Variants in CSMD2 observed in about 807,000 individuals in gnomAD.
The protein encoded by CSMD2 is CUB and Sushi multiple domains 2.
Under a neutral mutation model 398.5 loss-of-function variants are expected in CSMD2, and 130 were observed. The observed-to-expected ratio is 0.33, with a 90% CI of 0.28 to 0.38. CSMD2 has a LOEUF of 0.38. Among genes scored for constraint, CSMD2 ranks in the 10% least tolerant of loss-of-function variants. CSMD2 has a pLI of 1.00. For missense variants in CSMD2, 3,829 were observed against 4,764.9 expected (o/e 0.80, Z 5.78); for synonymous variants, 1,828 against 1,908.5 (o/e 0.96, Z 1.10).
intron 5 of CSMD2, among the ~76,000 whole-genome samples, chr1:33,914,131 A>T (rs1643602540): frequency 6.6e-6 from 1 of 152,136 alleles, no homozygotes; most frequent in Non-Finnish European, 1.5e-5. Context: ...AACGTGATGG[A>T]AAGGAATGGA....
chr1:33,639,495 G>A (rs964100577), intron 29 of CSMD2, among the ~76,000 whole-genome samples: 2 of 152,080 alleles, frequency 1.3e-5, no homozygotes, highest in Admixed American at 6.5e-5. Flanking sequence ...CATGTATCAC[G>A]CTATTTTGGT....
chr1:33,673,041 A>G (rs1273726713), intron 25 of CSMD2, among the ~76,000 whole-genome samples: 2 of 152,260 alleles, frequency 1.3e-5, no homozygotes, highest in African/African-American at 4.8e-5. Context: ...CAGAAGCTCT[A>G]AAAATCAGAG....
At chr1:33,529,903 T>C (rs1471566443) in intron 64 of CSMD2, among the ~76,000 whole-genome samples, 1 of 152,166 alleles carries the variant, frequency 6.6e-6, no homozygotes, top group East Asian at 1.9e-4. Flanking sequence ...GTATTTTAGA[T>C]AGAGAAAGAA....
intron 13 of CSMD2, among the ~76,000 whole-genome samples, chr1:33,749,449 G>A (rs974617556): frequency 6.6e-6 from 1 of 152,114 alleles, no homozygotes; most frequent in South Asian, 2.1e-4. Flanking sequence ...CTGTAGTAAG[G>A]AGAAAATTCA....
chr1:33,906,238 G>C (rs1416418266), intron 5 of CSMD2, among the ~76,000 whole-genome samples: 1 of 152,242 alleles, frequency 6.6e-6, no homozygotes, highest in Non-Finnish European at 1.5e-5. Context: ...TGTGAGCCTG[G>C]GGTGGTTACT....
intron 27 of CSMD2, among the ~76,000 whole-genome samples, chr1:33,656,517 C>T (rs1643951072): frequency 6.6e-6 from 1 of 152,208 alleles, no homozygotes; most frequent in Admixed American, 6.5e-5. Context: ...GCCTCAGAGC[C>T]ATGACTGTCA....
At chr1:34,082,947 C>T (rs530880703) in intron 2 of CSMD2, among the ~76,000 whole-genome samples, 2 of 152,230 alleles carry the variant, frequency 1.3e-5, no homozygotes, top group South Asian at 4.1e-4. Flanking sequence ...GCCGCAGGGT[C>T]CTCTGCCTAG....
rs752317509 is a variant in CSMD2, at chr1:33,577,535, A to C, written c.7388-51T>G. ...AACTGGCACCAGCAGGAAGACAGAC[A>C]TGGTCTTTCATGCAGGCCCCTTTCC... On this transcript the variant is annotated intron_variant, in intron 48 of 70. Transcript: ENST00000373381. 4 of 1,506,674 alleles carry C rather than the reference A, an allele frequency of 2.7e-6. No homozygotes were observed. In the South Asian group the frequency reaches 4.9e-5, roughly 19 times the overall value. The allele number at this position is 1,506,674 out of a possible 1,614,324, so 93.3% of individuals were successfully genotyped here.
At chr1:33,814,394 A>G (rs898993912) in intron 9 of CSMD2, among the ~76,000 whole-genome samples, 2 of 152,080 alleles carry the variant, frequency 1.3e-5, no homozygotes, top group African/African-American at 4.8e-5. Flanking sequence ...CCTACCATTT[A>G]TCTCTATTAG....
Position 34,121,261 on chromosome 1 carries a change from A to G in CSMD2, c.188-32068T>C, listed in dbSNP as rs563716588. On this transcript the variant is annotated intron_variant, in intron 1 of 70. Coordinates refer to ENST00000373381, the MANE Select transcript of CSMD2 (RefSeq NM_001281956.2). ...GAGGGAGGAAGACATGTAACAGACT[A>G]GGAAGGACAGATGTCTTTTCATTGG... Among the ~76,000 whole-genome samples, 274 of 152,326 alleles carry G rather than the reference A, an allele frequency of 1.8e-3. 12 individuals are homozygous for G. In the South Asian group the frequency reaches 0.055, roughly 30 times the overall value.
At chr1:33,632,244 G>A (rs1642505883) in intron 32 of CSMD2, among the ~76,000 whole-genome samples, 1 of 151,986 alleles carries the variant, frequency 6.6e-6, no homozygotes, top group African/African-American at 2.4e-5. Flanking sequence ...AAAAGCAAAG[G>A]AGAAAACTAT....
intron 10 of CSMD2, among the ~76,000 whole-genome samples, chr1:33,793,918 C>T (rs1400449131): frequency 6.6e-6 from 1 of 152,176 alleles, no homozygotes; most frequent in Non-Finnish European, 1.5e-5. Context: ...CACACAGGCA[C>T]TCACTCCTGA....
intron 1 of CSMD2, among the ~76,000 whole-genome samples, chr1:34,129,126 C>T (rs182540085): frequency 6.6e-6 from 1 of 152,212 alleles, no homozygotes; most frequent in East Asian, 1.9e-4. Flanking sequence ...GTCCCGCTGC[C>T]ACCCCCTCCC....
At chr1:33,949,129 T>TG (rs1644925914) in intron 3 of CSMD2, among the ~76,000 whole-genome samples, 1 of 152,176 alleles carries the variant, frequency 6.6e-6, no homozygotes, top group Non-Finnish European at 1.5e-5. Context: ...AGCAATAAAA[T>TG]GGGGGTAATA....
At chr1:33,861,326 C>G (rs565536841) in intron 5 of CSMD2, 2 of 152,294 alleles carry the variant, frequency 1.3e-5, no homozygotes, top group East Asian at 3.9e-4. Context: ...CATAGCCACA[C>G]TCATTGGTTT....
At chr1:33,953,703 TG>T (rs1197797581) in intron 3 of CSMD2, among the ~76,000 whole-genome samples, 3 of 152,184 alleles carry the variant, frequency 2.0e-5, no homozygotes, top group Non-Finnish European at 4.4e-5. Flanking sequence ...CTAGTGCTTT[TG>T]CCCAGCATGG....
intron 58 of CSMD2, among the ~76,000 whole-genome samples, chr1:33,541,887 T>G (rs1318343498): frequency 6.6e-6 from 1 of 152,172 alleles, no homozygotes. Context: ...GGGTACATCT[T>G]ATCACCTGCT....
intron 1 of CSMD2, among the ~76,000 whole-genome samples, chr1:34,158,232 G>A (rs1354989070): frequency 2.0e-5 from 3 of 152,162 alleles, no homozygotes; most frequent in Non-Finnish European, 4.4e-5. Flanking sequence ...GTGGGTCCAA[G>A]GGAAAACCAA....
chr1:34,130,573 G>A (rs1490897259), intron 1 of CSMD2, among the ~76,000 whole-genome samples: 3 of 152,014 alleles, frequency 2.0e-5, no homozygotes, highest in African/African-American at 7.2e-5. Context: ...GACCGAATCA[G>A]ATCTGCATGT....
Sources: gnomAD v4.1 joint callset for allele counts (sites outside exome capture counted in the v4.1 genomes callset) on GRCh38, gnomAD v4.1.1 for gene constraint, MANE v1.5 for transcripts, NCBI Gene and HGNC (gene_info 2026-07-23, HGNC 2026-07-21) for gene names.